Variants in MTPAP observed in about 807,000 individuals in gnomAD.
MTPAP encodes poly(A) RNA polymerase, mitochondrial.
In MTPAP, 23 loss-of-function variants were observed where a neutral mutation model predicts 48.7. The observed-to-expected ratio is 0.47, with a 90% CI of 0.34 to 0.67. The LOEUF is 0.67. MTPAP is among the 30% of genes least tolerant of loss of function. MTPAP has a pLI of 0.01. For missense variants in MTPAP, 614 were observed against 694.3 expected (o/e 0.88, Z 1.30); for synonymous variants, 257 against 254.1 (o/e 1.01, Z -0.11).
chr10:30,347,526 A>G (rs1371252622), intron 1 of MTPAP, among the ~76,000 whole-genome samples: 1 of 152,252 alleles, frequency 6.6e-6, no homozygotes, highest in Non-Finnish European at 1.5e-5. Flanking sequence ...AATGACACAA[A>G]ATGAAACATT....
At chr10:30,323,408 C>T (rs1840749261) in intron 5 of MTPAP, among the ~76,000 whole-genome samples, 1 of 127,754 alleles carries the variant, frequency 7.8e-6, no homozygotes, top group Non-Finnish European at 1.6e-5. Flanking sequence ...GCCGAGAAAG[C>T]GTTATTGCAC....
At chr10:30,333,339 T>G (rs12259127) in intron 4 of MTPAP, among the ~76,000 whole-genome samples, 3,724 of 152,182 alleles carry the variant, frequency 0.024, 144 homozygotes, top group African/African-American at 0.084. Context: ...CTCTCAAACA[T>G]TGTATGAGAT....
Position 30,313,374 on chromosome 10 carries a change from T to G in MTPAP, c.*235A>C. 1.9e-6 allele frequency: 1 copy of G among 533,468 alleles called. No individual in the cohort carries two copies. The highest frequency in any genetic ancestry group is 3.3e-6 in the Non-Finnish European group (1 of 300,326). 33.0% of individuals were successfully genotyped at this position (533,468 alleles called of 1,614,324 possible). On this transcript the variant is annotated 3_prime_UTR_variant, in exon 9 of 9. Transcript: ENST00000263063. ...CCTCCTGAGCAGCTGGGACTACAGGTGTGCACCGCCACACTCCACAGCTGA... is the reference window on the plus strand; with the variant it reads ...CCTCCTGAGCAGCTGGGACTACAGGGGTGCACCGCCACACTCCACAGCTGA...
intron 4 of MTPAP, among the ~76,000 whole-genome samples, chr10:30,331,779 C>G (rs967599448): frequency 3.9e-5 from 6 of 152,238 alleles, no homozygotes; most frequent in African/African-American, 1.4e-4. Flanking sequence ...ATTGGCCAGG[C>G]TGGCCTTGAA....
chr10:30,347,632 C>T (rs1588724374), intron 1 of MTPAP, among the ~76,000 whole-genome samples: 1 of 152,352 alleles, frequency 6.6e-6, no homozygotes, highest in East Asian at 1.9e-4. Flanking sequence ...TGGCTCACGC[C>T]TGTAATCCCA....
chr10:30,328,319 G>A (rs374939773), intron 4 of MTPAP, among the ~76,000 whole-genome samples: 2 of 152,324 alleles, frequency 1.3e-5, no homozygotes, highest in South Asian at 2.1e-4. Flanking sequence ...GAACTAACGC[G>A]TATGAGAAAA....
chr10:30,317,285 A>G (rs1024814003), intron 6 of MTPAP, among the ~76,000 whole-genome samples: 4 of 152,148 alleles, frequency 2.6e-5, no homozygotes, highest in Non-Finnish European at 4.4e-5. Context: ...TTTCAGCACT[A>G]CCTCTAGTCA....
chr10:30,340,126 A>G, intron 3 of MTPAP, 100 bp downstream of exon 3: 1 of 983,408 alleles, frequency 1.0e-6, no homozygotes, highest in Non-Finnish European at 1.6e-6. Context: ...GAAGATCTAT[A>G]CCCATTAAAC....
chr10:30,320,299 G>C (rs1017051460), intron 6 of MTPAP, among the ~76,000 whole-genome samples: 6 of 143,250 alleles, frequency 4.2e-5, no homozygotes, highest in African/African-American at 1.5e-4. Context: ...AGAACAAGAT[G>C]GGAGGATCCC....
intron 1 of MTPAP, among the ~76,000 whole-genome samples, chr10:30,346,225 T>C (rs1054246572): frequency 2.0e-5 from 3 of 152,138 alleles, no homozygotes; most frequent in East Asian, 3.9e-4. Flanking sequence ...TGAATTCATA[T>C]AAAGAACTTC....
At chr10:30,315,032 G>A (rs1196332567) in intron 8 of MTPAP, among the ~76,000 whole-genome samples, 1 of 151,986 alleles carries the variant, frequency 6.6e-6, no homozygotes, top group East Asian at 1.9e-4. Context: ...CAAAGCCAAT[G>A]GTCAAAATTC....
In MTPAP at chr10:30,313,464, C is replaced by T; in HGVS notation, c.*145G>A. 1 of 1,131,050 alleles carries T rather than the reference C, an allele frequency of 8.8e-7. No individual in the cohort carries two copies. Among genetic ancestry groups the T allele is most frequent in the Non-Finnish European group, 1.3e-6 (1 of 769,428 alleles). The allele number at this position is 1,131,050 out of a possible 1,614,324, so 70.1% of individuals were successfully genotyped here. A position where few individuals can be genotyped will look rare whatever the true frequency, so the allele number is the denominator to read the frequency against. On this transcript the variant is annotated 3_prime_UTR_variant, in exon 9 of 9. Transcript: ENST00000263063. ...CTGAAAACATCCCAGAACTTCAGACCAGGTTAAGGGGGCCAATGAGAAGAT... is the reference window on the plus strand; with the variant it reads ...CTGAAAACATCCCAGAACTTCAGACTAGGTTAAGGGGGCCAATGAGAAGAT...
intron 4 of MTPAP, among the ~76,000 whole-genome samples, chr10:30,336,298 G>C (rs1834730031): frequency 6.6e-6 from 1 of 152,150 alleles, no homozygotes; most frequent in Non-Finnish European, 1.5e-5. Context: ...TATTTATAGA[G>C]ATGAATAAAG....
chr10:30,334,408 C>G (rs138301722), intron 4 of MTPAP, among the ~76,000 whole-genome samples: 343 of 152,266 alleles, frequency 2.3e-3, no homozygotes, highest in Admixed American at 4.5e-3. Flanking sequence ...AGCCTGTAAT[C>G]CCAGCACTTC....
intron 2 of MTPAP, among the ~76,000 whole-genome samples, chr10:30,341,054 A>C (rs1317247628): frequency 1.3e-5 from 2 of 152,112 alleles, no homozygotes; most frequent in Non-Finnish European, 2.9e-5. Context: ...AGTTAAAGAG[A>C]CTATCTAAAG....
At chr10:30,314,884 CA>C (rs34249388) in intron 8 of MTPAP, among the ~76,000 whole-genome samples, 18,250 of 110,310 alleles carry the variant, frequency 0.17, 1,000 homozygotes, top group East Asian at 0.31. Context: ...AAAACAAAAA[CA>C]AAAAAAAAAA....
chr10:30,329,989 A>G (rs546858737), intron 4 of MTPAP, among the ~76,000 whole-genome samples: 1 of 152,140 alleles, frequency 6.6e-6, no homozygotes, highest in African/African-American at 2.4e-5. Flanking sequence ...AAGCTTTTCT[A>G]TACGCACAGG....
intron 5 of MTPAP, 41 bp from the exon 6 acceptor site, chr10:30,322,658 A>C: frequency 7.1e-7 from 1 of 1,410,548 alleles, no homozygotes; most frequent in Non-Finnish European, 9.9e-7. Context: ...AAATCCCCAA[A>C]TTATAAACCA....
intron 6 of MTPAP, among the ~76,000 whole-genome samples, chr10:30,316,946 A>G (rs1366101085): frequency 6.6e-6 from 1 of 152,218 alleles, no homozygotes; most frequent in Non-Finnish European, 1.5e-5. Context: ...TTCTTTATTT[A>G]AATCACAGAT....
Sources: allele counts gnomAD v4.1 joint callset (sites outside exome capture counted in the v4.1 genomes callset), GRCh38; gene constraint gnomAD v4.1.1; transcripts MANE v1.5; gene names NCBI Gene and HGNC (gene_info 2026-07-23, HGNC 2026-07-21).